The following KHDRBS2 variants were observed in gnomAD, a reference collection of about 807,000 sequenced individuals.
KHDRBS2 encodes KH RNA binding domain containing, signal transduction associated 2.
KHDRBS2 carries 26 observed loss-of-function variants against 44.3 expected under a neutral mutation model. That is an observed-to-expected ratio of 0.59 (90% confidence interval 0.43 to 0.81). The LOEUF is 0.81. Among genes scored for constraint, KHDRBS2 ranks in the 40% least tolerant of loss-of-function variants. The probability of loss-of-function intolerance (pLI) is 0.00; values close to 1 mark genes in which losing one functional copy is unlikely to be tolerated. For synonymous variants in KHDRBS2, 194 were observed against 151.1 expected (o/e 1.28, Z -2.08); for missense variants, 476 against 433.1 (o/e 1.10, Z -0.88).
intron 6 of KHDRBS2, among the ~76,000 whole-genome samples, chr6:61,838,286 A>G (rs1358415562): frequency 6.6e-6 from 1 of 152,058 alleles, no homozygotes; most frequent in African/African-American, 2.4e-5. Flanking sequence ...GAGATGTTCA[A>G]ATTAAAACAT....
intron 6 of KHDRBS2, among the ~76,000 whole-genome samples, chr6:61,810,581 T>C (rs1787960011): frequency 6.6e-6 from 1 of 152,184 alleles, no homozygotes; most frequent in East Asian, 1.9e-4. Flanking sequence ...TAAAAATGTA[T>C]ATTAGAATGA....
intron 2 of KHDRBS2, among the ~76,000 whole-genome samples, chr6:62,100,307 T>C (rs1801566547): frequency 6.6e-6 from 1 of 152,240 alleles, no homozygotes; most frequent in African/African-American, 2.4e-5. Flanking sequence ...AGAAAGTCAC[T>C]TCTTGAGTTG....
At chr6:62,154,556 T>C (rs925056097) in intron 2 of KHDRBS2, among the ~76,000 whole-genome samples, 5 of 152,166 alleles carry the variant, frequency 3.3e-5, no homozygotes, top group Admixed American at 2.6e-4. Context: ...TTTCTCTGTA[T>C]GAAAGAAGAT....
chr6:62,201,081 G>C (rs1277285855), intron 1 of KHDRBS2, among the ~76,000 whole-genome samples: 1 of 152,138 alleles, frequency 6.6e-6, no homozygotes, highest in Non-Finnish European at 1.5e-5. Flanking sequence ...ACTGGGGCCT[G>C]TTTGGGGTGA....
At chr6:62,217,302 T>C (rs1830176515) in intron 1 of KHDRBS2, among the ~76,000 whole-genome samples, 2 of 151,894 alleles carry the variant, frequency 1.3e-5, no homozygotes, top group South Asian at 4.2e-4. Flanking sequence ...AATTCATATA[T>C]AGAAGCCTTT....
At chr6:62,148,892 A>G (rs576576459) in intron 2 of KHDRBS2, among the ~76,000 whole-genome samples, 2 of 152,194 alleles carry the variant, frequency 1.3e-5, no homozygotes, top group South Asian at 4.1e-4. Context: ...GTGAATGCAT[A>G]AGTAACTATT....
chr6:61,620,956 T>A, the KHDRBS2 span, among the ~76,000 whole-genome samples: 3 of 152,310 alleles, frequency 2.0e-5, no homozygotes, highest in East Asian at 3.9e-4. Context: ...TTCCTACCCC[T>A]CTCTTTTATC....
chr6:61,737,733 T>C (rs1775591707), intron 6 of KHDRBS2, among the ~76,000 whole-genome samples: 2 of 152,030 alleles, frequency 1.3e-5, no homozygotes, highest in South Asian at 4.2e-4. Flanking sequence ...CTTTATTCTG[T>C]CTGCATTCAA....
At chr6:61,951,772 G>T (rs1259678592) in intron 4 of KHDRBS2, among the ~76,000 whole-genome samples, 1 of 152,066 alleles carries the variant, frequency 6.6e-6, no homozygotes, top group Non-Finnish European at 1.5e-5. Context: ...CATGGTTAAG[G>T]TGCATAATTT....
At chr6:62,131,576 CAT>C (rs912054398) in intron 2 of KHDRBS2, among the ~76,000 whole-genome samples, 13 of 152,260 alleles carry the variant, frequency 8.5e-5, no homozygotes, top group African/African-American at 2.9e-4. Context: ...ACTGATGAAA[CAT>C]AGACATTCTA....
At chr6:61,597,677 G>T in the KHDRBS2 span, among the ~76,000 whole-genome samples, 5 of 140,086 alleles carry the variant, frequency 3.6e-5, no homozygotes, top group South Asian at 9.4e-4. Flanking sequence ...TCCTAGAGGA[G>T]CCAGTCTGGG....
At chr6:62,202,776 G>A (rs1260605190) in intron 1 of KHDRBS2, among the ~76,000 whole-genome samples, 2 of 152,054 alleles carry the variant, frequency 1.3e-5, no homozygotes, top group African/African-American at 2.4e-5. Context: ...ACAGTGAATG[G>A]GTTCAGTCTA....
At chr6:61,789,017 G>A (rs1472305579) in intron 6 of KHDRBS2, among the ~76,000 whole-genome samples, 2 of 151,286 alleles carry the variant, frequency 1.3e-5, no homozygotes, top group African/African-American at 2.4e-5. Context: ...TAGTTACTTG[G>A]CAAGTTCTTT....
chr6:61,835,712 T>C (rs1365979705), intron 6 of KHDRBS2, among the ~76,000 whole-genome samples: 7 of 123,656 alleles, frequency 5.7e-5, no homozygotes, highest in South Asian at 2.7e-4. Context: ...GATGTGTGCG[T>C]GTGTGTGTGT....
At chr6:61,805,734 C>A (rs1252498597) in intron 6 of KHDRBS2, among the ~76,000 whole-genome samples, 2 of 152,134 alleles carry the variant, frequency 1.3e-5, no homozygotes, top group African/African-American at 2.4e-5. Context: ...ACCATCAGAT[C>A]TCAAGAGAAC....
chr6:61,848,443 A>G (rs1794730379), intron 6 of KHDRBS2, among the ~76,000 whole-genome samples: 1 of 133,042 alleles, frequency 7.5e-6, no homozygotes, highest in Non-Finnish European at 1.6e-5. Context: ...AATGCTCCAA[A>G]GGTTATATTG....
intron 1 of KHDRBS2, among the ~76,000 whole-genome samples, chr6:62,187,196 G>A (rs1283476861): frequency 1.3e-5 from 2 of 152,014 alleles, no homozygotes; most frequent in Non-Finnish European, 2.9e-5. Context: ...ATTAACTCAC[G>A]ACGATATAAA....
chr6:61,701,595 T>G (rs776460604), intron 7 of KHDRBS2, among the ~76,000 whole-genome samples: 3 of 152,000 alleles, frequency 2.0e-5, no homozygotes, highest in Non-Finnish European at 4.4e-5. Flanking sequence ...GATAAGTCCA[T>G]TTATCCACTG....
intron 6 of KHDRBS2, among the ~76,000 whole-genome samples, chr6:61,749,091 C>T (rs1351571251): frequency 7.2e-6 from 1 of 139,726 alleles, no homozygotes; most frequent in African/African-American, 2.7e-5. Flanking sequence ...CGGCTCACTG[C>T]AAACTCCGCC....
Sources: gnomAD v4.1 joint callset for allele counts (sites outside exome capture counted in the v4.1 genomes callset) on GRCh38, gnomAD v4.1.1 for gene constraint, MANE v1.5 for transcripts, NCBI Gene and HGNC (gene_info 2026-07-23, HGNC 2026-07-21) for gene names.